The following COL16A1 variants were observed in gnomAD, a reference collection of about 807,000 sequenced individuals.
The protein encoded by COL16A1 is collagen alpha-1(XVI) chain.
COL16A1 carries 189 observed loss-of-function variants against 266.3 expected under a neutral mutation model. The observed-to-expected ratio is 0.71, with a 90% CI of 0.63 to 0.80. The LOEUF is 0.80. Among genes scored for constraint, COL16A1 ranks in the 30% least tolerant of loss-of-function variants. The probability of loss-of-function intolerance (pLI) is 0.00; values close to 1 mark genes in which losing one functional copy is unlikely to be tolerated. For synonymous variants in COL16A1, 740 were observed against 782.3 expected (o/e 0.95, Z 0.90); for missense variants, 1,928 against 2,122.4 (o/e 0.91, Z 1.80).
In COL16A1 at chr1:31,652,442, G is replaced by T; in HGVS notation, c.*209C>A. 2.0e-6 allele frequency: 1 copy of T among 498,170 alleles called. No homozygotes were observed. 30.9% of individuals were successfully genotyped at this position (498,170 alleles called of 1,614,324 possible). On this transcript the variant is annotated 3_prime_UTR_variant, in exon 71 of 71. Coordinates refer to ENST00000373672, the MANE Select transcript of COL16A1 (RefSeq NM_001856.4). This position sits in a 1 kb window ranked among gnomAD's most constrained non-coding sequence, Gnocchi z 4.8. Reference sequence around the variant, plus strand: ...TCCTGGGACTAAACGGGAAAAGGAGGGCAACAGGGAGCTCTGGCTGCAGCA... The same window carrying T: ...TCCTGGGACTAAACGGGAAAAGGAGTGCAACAGGGAGCTCTGGCTGCAGCA...
rs775364574 is a variant in COL16A1 at position 31,681,032 on chromosome 1, T to C, written c.2574A>G (p.Arg858=). The part of the protein sequence containing the change: ...RDGQQGQTGL[R]GTPGEKGPRG... ...AAGGCACTGTACTCACTGGTGTTCC[T>C]CTGAGTCCCGTCTGTCCTTGCTGCC... Residue 858 remains arginine, a synonymous_variant, in exon 38 of 71, where the codon AGA becomes AGG. Transcript: ENST00000373672. 2 of 1,613,716 alleles carry C rather than the reference T, an allele frequency of 1.2e-6. No homozygotes were observed. The highest frequency in any genetic ancestry group is 2.2e-5 in the East Asian group (1 of 44,874).
chr1:31,691,632 C>A lies in COL16A1; in HGVS notation c.1268G>T (p.Gly423Val), dbSNP rs1257451694. Residue 423 changes from glycine (G) to valine (V), a missense_variant, in exon 18 of 71, where the codon GGA becomes GTA. Gly to Val is a moderately radical substitution (Grantham distance 109). Coordinates refer to ENST00000373672, the MANE Select transcript of COL16A1 (RefSeq NM_001856.4). ...PGKPGRDGRP[G>V]EICVIGPKGQ... Reference sequence around the variant, plus strand: ...TTTGGGCCCAATGACACAGATCTCTCCTGGCCGGCCCTGTGGGGGGATAAG... The same window carrying A: ...TTTGGGCCCAATGACACAGATCTCTACTGGCCGGCCCTGTGGGGGGATAAG... The A allele has an allele frequency of 2.5e-6, 4 of 1,613,648 alleles. No individual in the cohort carries two copies. Among genetic ancestry groups the A allele is most frequent in the Non-Finnish European group, 3.4e-6 (4 of 1,179,908 alleles).
At chr1:31,690,682 A>AATCTCTTGTTGCCAT in intron 20 of COL16A1, 109 bp from the exon 21 acceptor site, 3 of 1,494,762 alleles carry the variant, frequency 2.0e-6, no homozygotes, top group Non-Finnish European at 2.7e-6. Flanking sequence ...ATCGTTGCCA[A>AATCTCTTGTTGCCAT]ATCTCTTGTT....
chr1:31,702,248 G>A (rs1644750011), intron 1 of COL16A1, 21 bp from the exon 2 acceptor site: 2 of 1,612,046 alleles, frequency 1.2e-6, no homozygotes, highest in Admixed American at 1.7e-5. Context: ...CAGAGACCGG[G>A]AAGGCGGATT....
Position 31,686,271 on chromosome 1 carries a change from G to T in COL16A1, c.1812C>A (p.Phe604Leu), listed in dbSNP as rs1404628583. 1 of 1,614,056 alleles carries T rather than the reference G, an allele frequency of 6.2e-7. No individual in the cohort carries two copies. The highest frequency in any genetic ancestry group is 8.5e-7 in the Non-Finnish European group (1 of 1,180,038). ...GACTGCCAGCTGGCCCTGCCTCCCC[G>T]AAGTTACCCTGAGAGAAAGCACAGA... ...VPGLKGEKGN[F>L]GEAGPAGSPG... Residue 604 changes from phenylalanine to leucine, a missense_variant, in exon 27 of 71, where the codon TTC (phenylalanine) becomes TTA (leucine). Physicochemically the swap from Phe to Leu is conservative, Grantham distance 22. Transcript: ENST00000373672.
At chr1:31,695,917 C>T (rs969195635) in intron 9 of COL16A1, 130 bp from the exon 10 acceptor site, 64 of 990,040 alleles carry the variant, frequency 6.5e-5, no homozygotes, top group Non-Finnish European at 9.3e-5. Flanking sequence ...GTCTGTCTCA[C>T]CCCCATCCGT....
intron 8 of COL16A1, among the ~76,000 whole-genome samples, chr1:31,696,441 C>T (rs1282354016): frequency 6.6e-6 from 1 of 152,218 alleles, no homozygotes; most frequent in Non-Finnish European, 1.5e-5. Context: ...AGTGCCCAGC[C>T]AGGGGGTGGG....
intron 9 of COL16A1, 28 bp from the exon 10 acceptor site, chr1:31,695,815 T>C (rs537750988): frequency 1.2e-6 from 2 of 1,607,102 alleles, no homozygotes; most frequent in Non-Finnish European, 8.5e-7. Flanking sequence ...GGTGTGGGAA[T>C]GGGCAGGGAG....
intron 61 of COL16A1, 146 bp downstream of exon 61, chr1:31,660,920 C>T (rs527623738): frequency 1.8e-5 from 17 of 934,460 alleles, no homozygotes; most frequent in South Asian, 8.7e-5. Context: ...AAGTTCAAGA[C>T]GTGCAGTGTT....
chr1:31,674,894 C>A, intron 44 of COL16A1, 113 bp downstream of exon 44: 1 of 1,497,306 alleles, frequency 6.7e-7, no homozygotes, highest in South Asian at 1.3e-5. Context: ...ATGCGTATTC[C>A]CTGCAAACTG....
At chr1:31,674,968 C>T (rs764591805) in intron 44 of COL16A1, 39 bp downstream of exon 44, 1 of 1,606,174 alleles carries the variant, frequency 6.2e-7, no homozygotes. Context: ...TAGGAGACAC[C>T]CCCGCCAGCT....
At chr1:31,684,046 G>C in intron 32 of COL16A1, 43 bp from the exon 33 acceptor site, 2 of 1,613,954 alleles carry the variant, frequency 1.2e-6, no homozygotes, top group Non-Finnish European at 8.5e-7. Flanking sequence ...ACAGGAGAAA[G>C]GGGGACAGGA....
At chr1:31,691,947 C>G in intron 17 of COL16A1, 58 bp downstream of exon 17, 4 of 1,611,952 alleles carry the variant, frequency 2.5e-6, no homozygotes, top group Non-Finnish European at 8.5e-7. Context: ...AGGTTAAATC[C>G]CAGCATTCTC....
intron 37 of COL16A1, among the ~76,000 whole-genome samples, chr1:31,681,510 G>T (rs567315416): frequency 6.6e-6 from 1 of 152,322 alleles, no homozygotes; most frequent in Admixed American, 6.5e-5. Context: ...GACCTAACTG[G>T]GAGAAAGGGA....
Position 31,652,425 on chromosome 1 carries a change from C to G in COL16A1, c.*226G>C. 2.4e-6 allele frequency: 1 copy of G among 421,928 alleles called. No homozygotes were observed. The highest frequency in any genetic ancestry group is 4.0e-6 in the Non-Finnish European group (1 of 252,038). 26.1% of individuals were successfully genotyped at this position (421,928 alleles called of 1,614,324 possible). ...AAAATGCCCTTTTTTGTTCCTGGGA[C>G]TAAACGGGAAAAGGAGGGCAACAGG... is the stretch of plus-strand genomic sequence containing the variant. On this transcript the variant is annotated 3_prime_UTR_variant, in exon 71 of 71. Coordinates refer to ENST00000373672, the MANE Select transcript of COL16A1 (RefSeq NM_001856.4). This position sits in a 1 kb window ranked among gnomAD's most constrained non-coding sequence, Gnocchi z 4.8.
intron 32 of COL16A1, 51 bp downstream of exon 32, chr1:31,684,058 G>A (rs765274192): frequency 3.7e-6 from 6 of 1,613,272 alleles, no homozygotes; most frequent in Non-Finnish European, 2.5e-6. Context: ...GGGACAGGAG[G>A]GAGAGGAGGC....
rs1389866537 is a variant in COL16A1 at position 31,698,131 on chromosome 1, G to A, written c.432C>T (p.Leu144=). 2 of 1,613,974 alleles carry A rather than the reference G, an allele frequency of 1.2e-6. No homozygotes were observed. Among genetic ancestry groups the A allele is most frequent in the Non-Finnish European group, 1.7e-6 (2 of 1,180,038 alleles). Residue 144 remains leucine, a synonymous_variant, in exon 6 of 71, where the codon CTC becomes CTT. Transcript: ENST00000373672. This position sits in a 1 kb window ranked among gnomAD's most constrained non-coding sequence, Gnocchi z 4.1. ...AGTCGCCATCCTGGCCCTGGGCCCT[G>A]AGCTCCAGGCTCCGCTCTTGGCTGT... ...EVNSQERSLE[L]RAQGQDGDFV... is the part of the protein sequence containing the mutation.
chr1:31,652,718 C>T lies in COL16A1; in HGVS notation c.4748G>A (p.Cys1583Tyr). 6.2e-7 allele frequency: 1 copy of T among 1,608,014 alleles called. No individual in the cohort carries two copies. The highest frequency in any genetic ancestry group is 8.5e-7 in the Non-Finnish European group (1 of 1,178,250). ...GKAGHCNPSD[C>Y]FGAMPMEQQY... is the part of the protein sequence containing the mutation. ...CTGCTCCATCGGCATGGCCCCAAAG[C>T]AGTCAGAGGGATTACAGTGGCCAGC... The change falls in exon 71 of 71, where the codon TGC becomes TAC. Residue 1583 changes from cysteine (C) to tyrosine (Y), a missense_variant. Around this residue, in one of 2 missense-constraint regions of COL16A1, gnomAD observed 376 missense variants for 485.2 expected, o/e 0.77. Coordinates refer to ENST00000373672, the MANE Select transcript of COL16A1 (RefSeq NM_001856.4). The surrounding 1 kb of genome is among the most constrained non-coding windows in gnomAD (Gnocchi z 4.8).
chr1:31,661,269 G>A, intron 60 of COL16A1, 145 bp downstream of exon 60: 1 of 1,502,008 alleles, frequency 6.7e-7, no homozygotes, highest in South Asian at 1.2e-5. Context: ...GAGAAGCCCT[G>A]ACCCAGTCTG....
Sources: allele counts gnomAD v4.1 joint callset (sites outside exome capture counted in the v4.1 genomes callset), GRCh38; gene constraint gnomAD v4.1.1; regional missense constraint gnomAD v4.1.1; non-coding constraint Gnocchi (gnomAD v3.1); transcripts MANE v1.5; gene names NCBI Gene and HGNC (gene_info 2026-07-23, HGNC 2026-07-21).